TDRD9: variants seen among roughly 807,000 people sequenced by gnomAD.
TDRD9 encodes the protein tudor domain containing 9, also known as ATP-dependent RNA helicase TDRD9.
TDRD9 carries 124 observed loss-of-function variants against 172.6 expected under a neutral mutation model. The ratio of observed to expected loss-of-function variants is 0.72; its 90% CI spans 0.62 to 0.83. The LOEUF is 0.83. Among genes scored for constraint, TDRD9 ranks in the 40% least tolerant of loss-of-function variants. The pLI, the probability that TDRD9 is intolerant of heterozygous loss-of-function variation, is 0.00. For missense variants in TDRD9, 1,479 were observed against 1,714.1 expected (o/e 0.86, Z 2.42); for synonymous variants, 619 against 617.1 (o/e 1.00, Z -0.05).
At chr14:104,014,964 C>T in intron 21 of TDRD9, 123 bp downstream of exon 21, 1 of 549,536 alleles carries the variant, frequency 1.8e-6, no homozygotes, top group Non-Finnish European at 3.2e-6. Context: ...ATTTTAGGTC[C>T]ATAGTGTTCA....
chr14:104,005,966 A>G (rs547202414), intron 15 of TDRD9, among the ~76,000 whole-genome samples: 2 of 152,256 alleles, frequency 1.3e-5, no homozygotes, highest in East Asian at 3.9e-4. Flanking sequence ...GTGAGCCACC[A>G]CACTTGGCTG....
rs2032766089 is a variant in TDRD9 at position 103,966,726 on chromosome 14, A to G, written c.660A>G (p.Ile220Met). ...VVGYQVGLEKIATEDTRLIYM... is the reference protein window; with the variant it reads ...VVGYQVGLEKMATEDTRLIYM... ...AATTTTAGGTAGGGCTAGAGAAAAT[A>G]GCAACAGAGGACACCAGGCTAATTT... The change falls in exon 5 of 36, where the codon ATA becomes ATG. Residue 220 changes from isoleucine to methionine, a missense_variant. This residue lies in a region of TDRD9 where 1,413 missense variants were observed against 1,649.1 expected (regional missense o/e 0.86). Coordinates refer to ENST00000409874, the MANE Select transcript of TDRD9 (RefSeq NM_153046.3). The G allele has an allele frequency of 6.5e-7, 1 of 1,546,768 alleles. No homozygotes were observed. Among genetic ancestry groups the G allele is most frequent in the Non-Finnish European group, 8.7e-7 (1 of 1,144,576 alleles).
At chr14:104,011,491 A>G (rs536772668) in intron 20 of TDRD9, among the ~76,000 whole-genome samples, 62 of 152,336 alleles carry the variant, frequency 4.1e-4, no homozygotes, top group Non-Finnish European at 7.3e-4. Context: ...ATTTGATAGA[A>G]CACATTCAAA....
In TDRD9 at chr14:104,019,243, T is replaced by C. The variant is rs540665348; in HGVS notation, c.2432+1051T>C. 1.7e-4 allele frequency among the ~76,000 whole-genome samples: 26 copies of C among 152,306 alleles called. 1 individual carries two copies. The South Asian group carries it at 5.2e-3, about 30-fold the overall frequency. On this transcript the variant is annotated intron_variant, in intron 23 of 35. Transcript: ENST00000409874. ...TGGATGCTCCTTTGACTGATTTGAG[T>C]GGTCAGAAGGCTTGGCTCCCAGAAG...
intron 22 of TDRD9, among the ~76,000 whole-genome samples, chr14:104,016,306 T>C (rs186627370): frequency 1.3e-5 from 2 of 152,332 alleles, no homozygotes; most frequent in African/African-American, 4.8e-5. Context: ...CCTGGCCTTA[T>C]AAGGAAGCCT....
intron 2 of TDRD9, among the ~76,000 whole-genome samples, chr14:103,961,548 G>A (rs2032510006): frequency 6.7e-6 from 1 of 149,638 alleles, no homozygotes; most frequent in Non-Finnish European, 1.5e-5. Flanking sequence ...GGGGGACAGA[G>A]CAAGACTCTG....
chr14:103,955,082 C>G (rs185395848), intron 1 of TDRD9, among the ~76,000 whole-genome samples: 1 of 151,962 alleles, frequency 6.6e-6, no homozygotes, highest in Non-Finnish European at 1.5e-5. Context: ...TGAGCCCACA[C>G]CCGGCTCATT....
intron 28 of TDRD9, among the ~76,000 whole-genome samples, chr14:104,028,401 A>G (rs755736387): frequency 2.6e-5 from 4 of 152,288 alleles, no homozygotes; most frequent in South Asian, 2.1e-4. Flanking sequence ...GTGAGATGCT[A>G]TCTCTCACGA....
chr14:103,975,421 A>G lies in TDRD9; in HGVS notation c.879A>G (p.Lys293=). 1 of 1,613,872 alleles carries G rather than the reference A, an allele frequency of 6.2e-7. No individual in the cohort carries two copies. Among genetic ancestry groups the G allele is most frequent in the Non-Finnish European group, 8.5e-7 (1 of 1,179,816 alleles). The change falls in exon 7 of 36, where the codon AAA becomes AAG. Residue 293 remains lysine (K), a synonymous_variant. Coordinates refer to ENST00000409874, the MANE Select transcript of TDRD9 (RefSeq NM_153046.3). ...VVLMSATISC[K]EFADYFAVPV... is the part of the protein sequence containing the mutation. ...TGATGTCGGCTACCATCAGCTGTAA[A>G]GAGTTTGCAGACTACTTTGCTGTTC... is the stretch of plus-strand genomic sequence containing the variant.
chr14:103,955,790 T>G lies in TDRD9; in HGVS notation c.322+20T>G. On this transcript the variant is annotated intron_variant, in intron 2 of 35. Transcript: ENST00000409874. ...GGCCAGGTAAACAGGTCTCTTTAAA[T>G]ATTTTAGATAGGATGCATGAGTGGT... The G allele has an allele frequency of 1.3e-6, 2 of 1,536,780 alleles. No homozygotes were observed. The highest frequency in any genetic ancestry group is 8.8e-7 in the Non-Finnish European group (1 of 1,135,042).
Position 103,966,746 on chromosome 14 carries a change from T to C in TDRD9, c.680T>C (p.Leu227Pro), listed in dbSNP as rs1939385429. Residue 227 changes from leucine (L) to proline (P), a missense_variant, in exon 5 of 36, where the codon CTA becomes CCA. This residue lies in a region of TDRD9 where 1,413 missense variants were observed against 1,649.1 expected (regional missense o/e 0.86). Coordinates refer to ENST00000409874, the MANE Select transcript of TDRD9 (RefSeq NM_153046.3). Reference protein sequence around the residue: ...LEKIATEDTRLIYMTTGVLLQ... With the variant: ...LEKIATEDTRPIYMTTGVLLQ... Reference sequence around the variant, plus strand: ...AAAATAGCAACAGAGGACACCAGGCTAATTTATATGACAACTGGAGTCCTG... The same window carrying C: ...AAAATAGCAACAGAGGACACCAGGCCAATTTATATGACAACTGGAGTCCTG... 6.4e-7 allele frequency: 1 copy of C among 1,550,804 alleles called. No individual in the cohort carries two copies. Among genetic ancestry groups the C allele is most frequent in the Non-Finnish European group, 8.7e-7 (1 of 1,146,584 alleles).
intron 32 of TDRD9, among the ~76,000 whole-genome samples, chr14:104,039,344 C>G (rs1212492111): frequency 2.0e-5 from 3 of 152,150 alleles, no homozygotes; most frequent in African/African-American, 7.2e-5. Context: ...ATCACCTGGC[C>G]TGTGTCACCT....
At chr14:104,029,726 A>C (rs927129387) in intron 28 of TDRD9, among the ~76,000 whole-genome samples, 1 of 152,142 alleles carries the variant, frequency 6.6e-6, no homozygotes, top group Non-Finnish European at 1.5e-5. Context: ...TATAAATGGT[A>C]AAATTGGGCA....
chr14:104,006,744 T>C lies in TDRD9; in HGVS notation c.1943+35T>C, dbSNP rs527806762. ...ATTCATATTTTAAAGTGTCACTGTA[T>C]TTTAATGGTATTGAATGACACTGTT... On this transcript the variant is annotated intron_variant, in intron 17 of 35. Transcript: ENST00000409874. 1.3e-5 allele frequency: 21 copies of C among 1,613,580 alleles called. No individual in the cohort carries two copies. In the African/African-American group the frequency reaches 2.3e-4, roughly 17 times the overall value.
In TDRD9 at chr14:103,938,436, A is replaced by ATTTTT. The variant is rs1483928412; in HGVS notation, c.215+9713_215+9714insTTTTT. Among the ~76,000 whole-genome samples the ATTTTT allele has an allele frequency of 7.9e-3, 321 of 40,496 alleles. 13 individuals carry two copies. Among genetic ancestry groups the ATTTTT allele is most frequent in the African/African-American group, 0.025 (261 of 10,308 alleles). 26.6% of individuals were successfully genotyped at this position (40,496 alleles called of 152,430 possible). On this transcript the variant is annotated intron_variant, in intron 1 of 35. Coordinates refer to ENST00000409874, the MANE Select transcript of TDRD9 (RefSeq NM_153046.3). ...TGTGTATATATATATATATATATAT[A>ATTTTT]TATATTTTTTTTTTTTTTTTGAGAT...
intron 9 of TDRD9, among the ~76,000 whole-genome samples, chr14:103,992,536 G>C (rs1435223383): frequency 6.6e-6 from 1 of 152,172 alleles, no homozygotes; most frequent in African/African-American, 2.4e-5. Context: ...CACCCAAGTA[G>C]AGCCATGTTG....
intron 28 of TDRD9, among the ~76,000 whole-genome samples, chr14:104,029,419 GTATTT>G (rs1237249028): frequency 6.6e-6 from 1 of 151,992 alleles, no homozygotes; most frequent in Non-Finnish European, 1.5e-5. Flanking sequence ...ATATTCCTCG[GTATTT>G]TATTTTTGTA....
Position 104,045,424 on chromosome 14 carries a change from G to C in TDRD9, c.3974+3237G>C, listed in dbSNP as rs551676455. On this transcript the variant is annotated intron_variant, in intron 34 of 35. Transcript: ENST00000409874. ...TTTTTTTTGGTGAAATGTCTGTTCA[G>C]ATCTTTTGCCCATTTTTAAATTTGT... Among the ~76,000 whole-genome samples, 51 of 137,182 alleles carry C rather than the reference G, an allele frequency of 3.7e-4. 2 individuals are homozygous for C. The highest frequency in any genetic ancestry group is 1.3e-3 in the African/African-American group (47 of 37,400). The allele number at this position is 137,182 out of a possible 152,430, so 90.0% of individuals were successfully genotyped here.
In TDRD9 at chr14:103,953,278, C is replaced by T. The variant is rs547245835; in HGVS notation, c.216-2386C>T. On this transcript the variant is annotated intron_variant, in intron 1 of 35. Coordinates refer to ENST00000409874, the MANE Select transcript of TDRD9 (RefSeq NM_153046.3). Reference sequence around the variant, plus strand: ...ACCCTCCATTTCTCATCATCCTCTTCCCGCCCCCTCCTGTGGGAGCCACCC... The same window carrying T: ...ACCCTCCATTTCTCATCATCCTCTTTCCGCCCCCTCCTGTGGGAGCCACCC... Among the ~76,000 whole-genome samples the T allele has an allele frequency of 9.2e-5, 14 of 152,290 alleles. No homozygotes were observed. The East Asian group carries it at 2.5e-3, about 27-fold the overall frequency.
Sources: gnomAD v4.1 joint callset for allele counts (sites outside exome capture counted in the v4.1 genomes callset) on GRCh38, gnomAD v4.1.1 for gene constraint, gnomAD v4.1.1 regional missense constraint, MANE v1.5 for transcripts, NCBI Gene and HGNC (gene_info 2026-07-23, HGNC 2026-07-21) for gene names.